CCSER1: variants seen among roughly 807,000 people sequenced by gnomAD.
CCSER1 encodes serine-rich coiled-coil domain-containing protein 1.
CCSER1 carries 41 observed loss-of-function variants against 82.0 expected under a neutral mutation model. The observed-to-expected ratio is 0.50, with a 90% CI of 0.39 to 0.65. The LOEUF is 0.65. Ranked by LOEUF, CCSER1 falls within the 30% of genes least tolerant of loss-of-function variation. The probability of loss-of-function intolerance (pLI) is 0.00; values close to 1 mark genes in which losing one functional copy is unlikely to be tolerated. For missense variants in CCSER1, 1,119 were observed against 1,064.2 expected, an observed-to-expected ratio of 1.05 and a Z score of -0.72; for synonymous variants, 414 against 383.9, an observed-to-expected ratio of 1.08 and a Z score of -0.92.
At chr4:91,141,406 C>T (rs1729016591) in intron 10 of CCSER1, among the ~76,000 whole-genome samples, 1 of 152,156 alleles carries the variant, frequency 6.6e-6, no homozygotes, top group Non-Finnish European at 1.5e-5. Context: ...CCCGCCTTGG[C>T]CTCCCAAAGT....
In CCSER1 at chr4:90,308,897, C is replaced by T; in HGVS notation, c.613C>T (p.Gln205Ter). 6.2e-7 allele frequency: 1 copy of T among 1,613,882 alleles called. No homozygotes were observed. The highest frequency in any genetic ancestry group is 8.5e-7 in the Non-Finnish European group (1 of 1,179,838). ...ACAGAGCCAATCCATTTCATTGGTA[C>T]AACAGTCTGAATTCTCATTGGAAGT... Reference protein sequence around the residue: ...VLQSQSISLVQQSEFSLEVTQ... With the variant: ...VLQSQSISLV Residue 205 changes from glutamine (Q) to a stop codon, truncating the protein, a stop_gained, in exon 2 of 11, where the codon CAA becomes TAA. Transcript: ENST00000509176. LOFTEE classifies it high-confidence loss of function.
chr4:90,584,857 A>T lies in CCSER1; in HGVS notation c.1725-43168A>T, dbSNP rs185789915. ...ACAGATTTGACAAAATCTTTTTTTT[A>T]AAAAAAGCACAATGATTTAATGGAA... On this transcript the variant is annotated intron_variant, in intron 5 of 10. Coordinates refer to ENST00000509176, the MANE Select transcript of CCSER1 (RefSeq NM_001145065.2). 2.2e-3 allele frequency among the ~76,000 whole-genome samples: 332 copies of T among 152,230 alleles called. 1 individual carries two copies. Among genetic ancestry groups the T allele is most frequent in the African/African-American group, 7.4e-3 (308 of 41,554 alleles).
chr4:91,589,780 G>C (rs775101265), intron 10 of CCSER1, among the ~76,000 whole-genome samples: 1 of 151,828 alleles, frequency 6.6e-6, no homozygotes. Context: ...GATGTCTTCT[G>C]AATTGAGTCC....
chr4:90,421,076 C>T (rs1452563284), intron 4 of CCSER1, among the ~76,000 whole-genome samples: 1 of 152,060 alleles, frequency 6.6e-6, no homozygotes, highest in Non-Finnish European at 1.5e-5. Context: ...TAAAGTTGTT[C>T]ACCAACAAGA....
intron 6 of CCSER1, among the ~76,000 whole-genome samples, chr4:90,628,895 A>G (rs1030669653): frequency 6.6e-6 from 1 of 152,188 alleles, no homozygotes; most frequent in Non-Finnish European, 1.5e-5. Context: ...GGATTTCTAT[A>G]CAAAGTATAC....
chr4:91,458,193 G>A (rs1756301606), intron 10 of CCSER1, among the ~76,000 whole-genome samples: 1 of 152,038 alleles, frequency 6.6e-6, no homozygotes, highest in Non-Finnish European at 1.5e-5. Flanking sequence ...AGATAGGGGT[G>A]TACTTTCATC....
At chr4:91,567,813 T>C (rs561828544) in intron 10 of CCSER1, among the ~76,000 whole-genome samples, 116 of 152,280 alleles carry the variant, frequency 7.6e-4, no homozygotes, top group African/African-American at 2.6e-3. Flanking sequence ...CTTGCTTTCA[T>C]ACACAGCTTG....
chr4:91,122,625 A>T (rs1179904590), intron 10 of CCSER1, among the ~76,000 whole-genome samples: 4 of 151,836 alleles, frequency 2.6e-5, no homozygotes, highest in Non-Finnish European at 5.9e-5. Context: ...CATCACTATA[A>T]ATATAGATCA....
At chr4:91,343,877 A>G (rs1407906754) in intron 10 of CCSER1, among the ~76,000 whole-genome samples, 1 of 152,188 alleles carries the variant, frequency 6.6e-6, no homozygotes, top group East Asian at 1.9e-4. Context: ...TGATACTGAA[A>G]TGAGATTTTC....
At chr4:90,350,678 TTATAATGGCACCA>T (rs1201041014) in intron 3 of CCSER1, among the ~76,000 whole-genome samples, 1 of 152,098 alleles carries the variant, frequency 6.6e-6, no homozygotes, top group Non-Finnish European at 1.5e-5. Flanking sequence ...AAGCTACCAT[TTATAATGGCACCA>T]AATATAACAA....
chr4:91,555,501 T>A lies in CCSER1; in HGVS notation c.2218-43071T>A, dbSNP rs1320069863. Among the ~76,000 whole-genome samples the A allele has an allele frequency of 4.0e-5, 6 of 151,122 alleles. 1 individual carries two copies. The highest frequency in any genetic ancestry group is 8.9e-5 in the Non-Finnish European group (6 of 67,506). ...ACTAGCAGTACTCTGATTAGTTGTA[T>A]TAATTATGGTCTTATATACTGTCTA... On this transcript the variant is annotated intron_variant, in intron 10 of 10. Coordinates refer to ENST00000509176, the MANE Select transcript of CCSER1 (RefSeq NM_001145065.2).
At chr4:90,741,004 T>A (rs1746467263) in intron 7 of CCSER1, among the ~76,000 whole-genome samples, 1 of 152,188 alleles carries the variant, frequency 6.6e-6, no homozygotes, top group African/African-American at 2.4e-5. Context: ...ATCTGAAGGA[T>A]ATATACATTT....
intron 10 of CCSER1, among the ~76,000 whole-genome samples, chr4:91,339,272 C>T (rs911524898): frequency 1.3e-5 from 2 of 151,968 alleles, no homozygotes; most frequent in Non-Finnish European, 2.9e-5. Flanking sequence ...TGCCATACTG[C>T]CAGACACTAA....
chr4:90,456,197 T>C (rs1190326345), intron 4 of CCSER1, among the ~76,000 whole-genome samples: 1 of 152,156 alleles, frequency 6.6e-6, no homozygotes, highest in Non-Finnish European at 1.5e-5. Flanking sequence ...AAAAAACCTT[T>C]TGCCCTGTGC....
At chr4:90,795,849 T>C (rs1055785870) in intron 7 of CCSER1, among the ~76,000 whole-genome samples, 3 of 151,158 alleles carry the variant, frequency 2.0e-5, no homozygotes, top group African/African-American at 7.3e-5. Context: ...TAAAGCCTAC[T>C]TGATTATGGT....
chr4:90,910,878 A>T, intron 8 of CCSER1, among the ~76,000 whole-genome samples: 1 of 150,864 alleles, frequency 6.6e-6, no homozygotes, highest in East Asian at 1.9e-4. Flanking sequence ...CAGGCCAACT[A>T]TTAACACTTG....
At chr4:91,001,646 C>A (rs1283150658) in intron 9 of CCSER1, among the ~76,000 whole-genome samples, 4 of 151,928 alleles carry the variant, frequency 2.6e-5, no homozygotes, top group Non-Finnish European at 5.9e-5. Flanking sequence ...TATTTGAGTC[C>A]CTACGTGTTA....
chr4:91,196,289 A>G (rs1735431668), intron 10 of CCSER1, among the ~76,000 whole-genome samples: 1 of 152,192 alleles, frequency 6.6e-6, no homozygotes, highest in Non-Finnish European at 1.5e-5. Context: ...GAATGTTCCA[A>G]TTTTCTAAAT....
intron 10 of CCSER1, among the ~76,000 whole-genome samples, chr4:91,322,349 TC>T (rs1229892562): frequency 6.6e-6 from 1 of 152,124 alleles, no homozygotes; most frequent in Non-Finnish European, 1.5e-5. Context: ...TATCTGAGTC[TC>T]TGTAGATTTT....
Sources: gnomAD v4.1 joint callset for allele counts (sites outside exome capture counted in the v4.1 genomes callset) on GRCh38, gnomAD v4.1.1 for gene constraint, MANE v1.5 for transcripts, NCBI Gene and HGNC (gene_info 2026-07-23, HGNC 2026-07-21) for gene names.